Variants in KYNU observed in about 807,000 individuals in gnomAD.
KYNU encodes the protein L-kynurenine hydrolase.
In KYNU, 54 loss-of-function variants were observed where a neutral mutation model predicts 59.2. The ratio of observed to expected loss-of-function variants is 0.91; its 90% CI spans 0.73 to 1.14. The LOEUF (loss-of-function observed/expected upper bound fraction) is 1.14, where lower values mean the gene tolerates loss of function less well. KYNU is among the 50% of genes most tolerant of loss of function. KYNU has a pLI of 0.00. For synonymous variants in KYNU, 177 were observed against 192.0 expected, an observed-to-expected ratio of 0.92 and a Z score of 0.65; for missense variants, 567 against 554.4, an observed-to-expected ratio of 1.02 and a Z score of -0.23.
chr2:142,973,870 T>C (rs1034912920), intron 8 of KYNU, among the ~76,000 whole-genome samples: 5 of 152,084 alleles, frequency 3.3e-5, no homozygotes, highest in African/African-American at 1.2e-4. Flanking sequence ...CATAGAAATA[T>C]GTAAAGAGAA....
chr2:142,949,009 G>A (rs765364854), intron 4 of KYNU, among the ~76,000 whole-genome samples: 12 of 152,208 alleles, frequency 7.9e-5, no homozygotes, highest in Middle Eastern at 3.2e-3. Flanking sequence ...GGAGAAATTG[G>A]CCAAAACAAA....
In KYNU at chr2:142,979,884, T is replaced by G. The variant is rs556064254; in HGVS notation, c.730-5200T>G. Among the ~76,000 whole-genome samples the G allele has an allele frequency of 2.6e-5, 4 of 152,200 alleles. No individual in the cohort carries two copies. In the East Asian group the frequency reaches 5.8e-4, roughly 22 times the overall value. ...TTCTTGGATCTCTCACAAGAAAGGA[T>G]TCAAGGTGAGTCCATAAAGTAAAGT... On this transcript the variant is annotated intron_variant, in intron 8 of 13. Transcript: ENST00000264170.
rs1687079346 is a variant in KYNU, at chr2:143,042,327, C to G, written c.*155C>G. On this transcript the variant is annotated 3_prime_UTR_variant, in exon 14 of 14. Coordinates refer to ENST00000264170, the MANE Select transcript of KYNU (RefSeq NM_003937.3). ...TTACAGAAAATCTGATATAATTTTT[C>G]AGAGTCTGTGGCACTAAGGAGTCCA... is the stretch of plus-strand genomic sequence containing the variant. 1.2e-6 allele frequency: 1 copy of G among 832,328 alleles called. No individual in the cohort carries two copies. Among genetic ancestry groups the G allele is most frequent in the African/African-American group, 1.7e-5 (1 of 57,838 alleles). 51.6% of individuals were successfully genotyped at this position (832,328 alleles called of 1,614,324 possible).
chr2:143,019,699 C>G (rs1352162338), intron 10 of KYNU, among the ~76,000 whole-genome samples: 1 of 152,102 alleles, frequency 6.6e-6, no homozygotes, highest in African/African-American at 2.4e-5. Flanking sequence ...ATTCCCTCCT[C>G]TTAAATATTT....
chr2:143,038,472 A>C (rs1017042198), intron 12 of KYNU, among the ~76,000 whole-genome samples: 7 of 152,128 alleles, frequency 4.6e-5, no homozygotes, highest in Non-Finnish European at 1.0e-4. Context: ...AAAATGAAGG[A>C]GATGCCTCCT....
At chr2:142,919,531 G>C (rs1682796801) in intron 3 of KYNU, among the ~76,000 whole-genome samples, 1 of 152,174 alleles carries the variant, frequency 6.6e-6, no homozygotes, top group African/African-American at 2.4e-5. Flanking sequence ...AAACCAAATA[G>C]AATTTCAGAG....
At chr2:142,959,791 T>C (rs994003329) in intron 7 of KYNU, among the ~76,000 whole-genome samples, 5 of 152,336 alleles carry the variant, frequency 3.3e-5, no homozygotes, top group African/African-American at 1.2e-4. Context: ...GTTTTATTGA[T>C]ATTTTTCTTC....
chr2:142,894,887 G>T (rs1395532368), intron 2 of KYNU, among the ~76,000 whole-genome samples: 1 of 152,132 alleles, frequency 6.6e-6, no homozygotes, highest in Non-Finnish European at 1.5e-5. Context: ...CAGGAGGATG[G>T]CTTGAGTCCA....
chr2:142,897,582 C>A (rs1416127174), intron 2 of KYNU, among the ~76,000 whole-genome samples: 1 of 152,172 alleles, frequency 6.6e-6, no homozygotes, highest in East Asian at 1.9e-4. Flanking sequence ...CAGCTGAAAT[C>A]TTTATGCTTT....
chr2:142,896,379 C>T (rs538804862), intron 2 of KYNU, among the ~76,000 whole-genome samples: 2 of 152,072 alleles, frequency 1.3e-5, no homozygotes, highest in African/African-American at 4.8e-5. Flanking sequence ...TATGCATGTT[C>T]CTAATGGCTA....
At chr2:142,910,052 T>A (rs351707) in intron 2 of KYNU, among the ~76,000 whole-genome samples, 84,659 of 151,326 alleles carry the variant, frequency 0.56, 24,715 homozygotes, top group African/African-American at 0.71. Flanking sequence ...CTAACAATTA[T>A]TGATGTTGAG....
chr2:142,941,266 A>T (rs548966758), intron 4 of KYNU, among the ~76,000 whole-genome samples: 1 of 152,174 alleles, frequency 6.6e-6, no homozygotes, highest in African/African-American at 2.4e-5. Context: ...ATAACAAAAA[A>T]TACTTTTACC....
At chr2:143,021,906 T>A (rs552972446) in intron 10 of KYNU, among the ~76,000 whole-genome samples, 1 of 152,348 alleles carries the variant, frequency 6.6e-6, no homozygotes, top group Non-Finnish European at 1.5e-5. Flanking sequence ...TCAAGTATTT[T>A]TATTGTTCAG....
At chr2:142,933,118 T>G (rs932606705) in intron 4 of KYNU, among the ~76,000 whole-genome samples, 11 of 152,130 alleles carry the variant, frequency 7.2e-5, no homozygotes, top group Non-Finnish European at 1.3e-4. Context: ...CATGGAGAGA[T>G]AGTTTTAGGC....
chr2:142,942,438 C>G (rs1182650108), intron 4 of KYNU, among the ~76,000 whole-genome samples: 1 of 152,080 alleles, frequency 6.6e-6, no homozygotes, highest in Non-Finnish European at 1.5e-5. Context: ...TATCTGAAAC[C>G]CTCTTTGGAA....
intron 10 of KYNU, chr2:142,988,813 A>G: frequency 6.8e-7 from 1 of 1,476,706 alleles, no homozygotes. Flanking sequence ...ATTCTGTACC[A>G]AGTATCTTAT....
At chr2:142,939,193 T>A (rs145319928) in intron 4 of KYNU, among the ~76,000 whole-genome samples, 1 of 150,710 alleles carries the variant, frequency 6.6e-6, no homozygotes, top group African/African-American at 2.4e-5. Context: ...AATAGAAGAG[T>A]TGTAAACAAA....
chr2:143,000,140 C>T (rs528658386), intron 10 of KYNU, among the ~76,000 whole-genome samples: 17 of 152,176 alleles, frequency 1.1e-4, no homozygotes, highest in East Asian at 1.9e-4. Context: ...ACATATAATA[C>T]GAAATATTCC....
At chr2:142,885,649 A>G (rs1332990625) in intron 2 of KYNU, 113 bp downstream of exon 2, 1 of 1,004,778 alleles carries the variant, frequency 1.0e-6, no homozygotes, top group African/African-American at 1.6e-5. Flanking sequence ...GAGCTGTTGC[A>G]ATTATGTTTG....
Sources: allele counts gnomAD v4.1 joint callset (sites outside exome capture counted in the v4.1 genomes callset), GRCh38; gene constraint gnomAD v4.1.1; transcripts MANE v1.5; gene names NCBI Gene and HGNC (gene_info 2026-07-23, HGNC 2026-07-21).